RYR2: variants seen among roughly 807,000 people sequenced by gnomAD.
The protein encoded by RYR2 is cardiac muscle ryanodine receptor-calcium release channel.
RYR2 carries 227 observed loss-of-function variants against 601.1 expected under a neutral mutation model. The ratio of observed to expected loss-of-function variants is 0.38; its 90% confidence interval spans 0.34 to 0.42. The LOEUF is 0.42. RYR2 is among the 10% of genes least tolerant of loss of function. RYR2 has a pLI of 1.00. For missense variants in RYR2, 4,646 were observed against 6,156.5 expected (o/e 0.75, Z 8.21); for synonymous variants, 2,223 against 2,175.1 (o/e 1.02, Z -0.61).
At chr1:237,431,883 G>A (rs1442977455) in intron 12 of RYR2, among the ~76,000 whole-genome samples, 1 of 152,058 alleles carries the variant, frequency 6.6e-6, no homozygotes, top group South Asian at 2.1e-4. Flanking sequence ...AAGCAGCAGG[G>A]TATGAAACTT....
At chr1:237,322,548 G>A (rs1050096378) in intron 2 of RYR2, among the ~76,000 whole-genome samples, 1 of 152,088 alleles carries the variant, frequency 6.6e-6, no homozygotes, top group African/African-American at 2.4e-5. Context: ...ACCTATGAAT[G>A]GATTCTACAA....
At chr1:237,136,671 G>A (rs965482184) in intron 1 of RYR2, among the ~76,000 whole-genome samples, 3 of 152,160 alleles carry the variant, frequency 2.0e-5, no homozygotes, top group Non-Finnish European at 4.4e-5. Flanking sequence ...CAATGGGAAA[G>A]CAAAGTTATG....
intron 56 of RYR2, among the ~76,000 whole-genome samples, chr1:237,662,348 A>C (rs12749262): frequency 1.6e-4 from 25 of 152,102 alleles, no homozygotes; most frequent in Admixed American, 5.9e-4. Flanking sequence ...TAATAAGAAT[A>C]CAAAGATAGC....
intron 1 of RYR2, among the ~76,000 whole-genome samples, chr1:237,209,041 T>C (rs60023867): frequency 6.6e-5 from 9 of 136,116 alleles, no homozygotes; most frequent in African/African-American, 1.1e-4. Context: ...AAAAGTTTAA[T>C]ATTAATATAA....
chr1:237,706,491 T>C (rs1005415595), intron 67 of RYR2, among the ~76,000 whole-genome samples: 4 of 152,118 alleles, frequency 2.6e-5, no homozygotes, highest in Non-Finnish European at 5.9e-5. Context: ...CCTGGATAGC[T>C]AAGTAATCCA....
At chr1:237,148,523 AAAAAATATATATATATAT>A (rs1477388361) in intron 1 of RYR2, among the ~76,000 whole-genome samples, 3 of 48,286 alleles carry the variant, frequency 6.2e-5, no homozygotes, top group South Asian at 1.1e-3. Context: ...AGTAAAAAAA[AAAAAATATATATATATAT>A]ATATATATAT....
chr1:237,166,391 C>G (rs1304950284), intron 1 of RYR2, among the ~76,000 whole-genome samples: 1 of 152,204 alleles, frequency 6.6e-6, no homozygotes, highest in Non-Finnish European at 1.5e-5. Flanking sequence ...GCATGTGAAA[C>G]ATTTGTACAC....
At chr1:237,139,357 T>C (rs1042427395) in intron 1 of RYR2, among the ~76,000 whole-genome samples, 1 of 152,054 alleles carries the variant, frequency 6.6e-6, no homozygotes, top group South Asian at 2.1e-4. Context: ...AGTAGATGAG[T>C]GGCTGTCAGG....
chr1:237,264,473 G>A (rs756523579), intron 1 of RYR2, among the ~76,000 whole-genome samples: 6 of 152,158 alleles, frequency 3.9e-5, no homozygotes, highest in Non-Finnish European at 5.9e-5. Flanking sequence ...AAGATCTCAT[G>A]TTGAGCTTTG....
chr1:237,582,301 A>G (rs528329794), intron 29 of RYR2, among the ~76,000 whole-genome samples: 49 of 150,062 alleles, frequency 3.3e-4, no homozygotes, highest in South Asian at 6.3e-4. Context: ...GTAGAGATGG[A>G]GTTTCACCAC....
chr1:237,734,179 C>G (rs996630115), intron 79 of RYR2, among the ~76,000 whole-genome samples: 30 of 152,198 alleles, frequency 2.0e-4, no homozygotes, highest in African/African-American at 7.2e-4. Flanking sequence ...ACTAGGTAAT[C>G]TATAAGGGAA....
At position 237,643,406 on chromosome 1, in the gene RYR2, G is replaced by A. The variant is rs763374997; in HGVS notation, c.7301G>A (p.Gly2434Asp). The A allele has an allele frequency of 3.7e-6, 6 of 1,613,904 alleles. No homozygotes were observed. Among genetic ancestry groups the A allele is most frequent in the Non-Finnish European group, 4.2e-6 (5 of 1,179,846 alleles). The change falls in exon 48 of 105, where the codon GGC becomes GAC. Residue 2434 changes from glycine (G) to aspartate (D), a missense_variant. Physicochemically the swap from Gly to Asp is moderately conservative, Grantham distance 94. Transcript: ENST00000366574. ...CTCATTCCCCTGGGAGATTTGGTGG[G>A]CGTTATCAGCATCGCTTTTCAGATG... Reference protein sequence around the residue: ...RSLIPLGDLVGVISIAFQMPT... With the variant: ...RSLIPLGDLVDVISIAFQMPT...
chr1:237,685,852 T>C (rs1686342003), intron 62 of RYR2, among the ~76,000 whole-genome samples: 1 of 152,116 alleles, frequency 6.6e-6, no homozygotes, highest in Non-Finnish European at 1.5e-5. Context: ...AATATTTTGT[T>C]CTGATAAGAA....
intron 27 of RYR2, among the ~76,000 whole-genome samples, chr1:237,563,670 T>G (rs1436558029): frequency 6.6e-6 from 1 of 152,116 alleles, no homozygotes; most frequent in Non-Finnish European, 1.5e-5. Context: ...TTTCATTCCC[T>G]ATAGTAATAA....
Position 237,605,975 on chromosome 1 carries a change from G to A in RYR2, c.4683+3864G>A, listed in dbSNP as rs879393068. Among the ~76,000 whole-genome samples, 321 of 151,778 alleles carry A rather than the reference G, an allele frequency of 2.1e-3. 2 individuals are homozygous for A. Among genetic ancestry groups the A allele is most frequent in the Non-Finnish European group, 3.7e-3 (248 of 67,850 alleles). ...CATGGGTAGGAAGAATCAATATCAT[G>A]AAAATGGCCATACTGCCCAAGGTAA... On this transcript the variant is annotated intron_variant, in intron 35 of 104. Transcript: ENST00000366574.
intron 1 of RYR2, among the ~76,000 whole-genome samples, chr1:237,098,185 G>A (rs1453277904): frequency 6.6e-6 from 1 of 152,146 alleles, no homozygotes; most frequent in African/African-American, 2.4e-5. Context: ...TCTGAACACA[G>A]AAACGGGCCA....
In RYR2 at chr1:237,706,990, A is replaced by C. The variant is rs759287878; in HGVS notation, c.9622A>C (p.Ile3208Leu). ...TAATGTGGAAGATGTTTGTCCAAAC[A>C]TACCGTCTTTGGAGAAACTCATGGA... ...PTNVEDVCPNIPSLEKLMEEI... is the reference protein window; with the variant it reads ...PTNVEDVCPNLPSLEKLMEEI... The change falls in exon 68 of 105, where the codon ATA (isoleucine) becomes CTA (leucine). Residue 3208 changes from isoleucine to leucine, a missense_variant. Ile to Leu is a conservative substitution (Grantham distance 5, BLOSUM62 2). Coordinates refer to ENST00000366574, the MANE Select transcript of RYR2 (RefSeq NM_001035.3). 1 of 1,613,856 alleles carries C rather than the reference A, an allele frequency of 6.2e-7. No homozygotes were observed. Among genetic ancestry groups the C allele is most frequent in the Non-Finnish European group, 8.5e-7 (1 of 1,179,856 alleles).
At chr1:237,597,702 G>A (rs1214050202) in intron 34 of RYR2, among the ~76,000 whole-genome samples, 2 of 152,062 alleles carry the variant, frequency 1.3e-5, no homozygotes, top group Non-Finnish European at 2.9e-5. Flanking sequence ...ACACTAATGA[G>A]AAAGGGAAAG....
chr1:237,832,501 G>A (rs985609522), intron 104 of RYR2, 51 bp from the exon 105 acceptor site: 10 of 1,219,106 alleles, frequency 8.2e-6, no homozygotes, highest in Non-Finnish European at 1.2e-5. Flanking sequence ...CTTATGTTTT[G>A]TTAGCACACA....
Sources: gnomAD v4.1 joint callset for allele counts (sites outside exome capture counted in the v4.1 genomes callset) on GRCh38, gnomAD v4.1.1 for gene constraint, MANE v1.5 for transcripts, NCBI Gene and HGNC (gene_info 2026-07-23, HGNC 2026-07-21) for gene names.